The following SDK1 variants were observed in gnomAD, a reference collection of about 807,000 sequenced individuals.
The protein encoded by SDK1 is sidekick cell adhesion molecule 1, also known as protein sidekick-1.
Under a neutral mutation model 245.5 loss-of-function variants are expected in SDK1, and 157 were observed. That is an observed-to-expected ratio of 0.64 (90% confidence interval 0.56 to 0.73). The LOEUF is 0.73. Among genes scored for constraint, SDK1 ranks in the 30% least tolerant of loss-of-function variants. The pLI is 0.00. For synonymous variants in SDK1, 1,647 were observed against 1,278.5 expected (o/e 1.29, Z -6.15); for missense variants, 3,583 against 3,002.3 (o/e 1.19, Z -4.52).
chr7:3,399,721 C>G (rs952468412), intron 1 of SDK1, among the ~76,000 whole-genome samples: 3 of 152,006 alleles, frequency 2.0e-5, no homozygotes, highest in African/African-American at 4.8e-5. Flanking sequence ...ACACAAATCC[C>G]TTTTACTAAG....
At chr7:3,919,729 A>G (rs1779522562) in intron 5 of SDK1, among the ~76,000 whole-genome samples, 1 of 152,160 alleles carries the variant, frequency 6.6e-6, no homozygotes, top group South Asian at 2.1e-4. Flanking sequence ...GTTAGCTTGA[A>G]AGAACGTATG....
intron 1 of SDK1, among the ~76,000 whole-genome samples, chr7:3,521,418 C>T (rs1426652598): frequency 7.4e-6 from 1 of 135,624 alleles, no homozygotes; most frequent in Non-Finnish European, 1.6e-5. Context: ...CCACAGTGAG[C>T]CTGTTCTCAT....
At chr7:3,968,399 C>G (rs1233729807) in intron 10 of SDK1, among the ~76,000 whole-genome samples, 1 of 152,180 alleles carries the variant, frequency 6.6e-6, no homozygotes, top group Non-Finnish European at 1.5e-5. Context: ...CTGTATCGGG[C>G]TGACATGCCA....
chr7:3,311,788 T>G (rs1326356236), intron 1 of SDK1, among the ~76,000 whole-genome samples: 1 of 152,132 alleles, frequency 6.6e-6, no homozygotes, highest in East Asian at 1.9e-4. Context: ...CAAGCGTTTC[T>G]GAAGTTTAAA....
intron 25 of SDK1, among the ~76,000 whole-genome samples, chr7:4,115,958 C>G (rs1222079122): frequency 6.6e-6 from 1 of 152,128 alleles, no homozygotes; most frequent in African/African-American, 2.4e-5. Context: ...GCACAGTCAG[C>G]AGGAGGAGGC....
intron 5 of SDK1, among the ~76,000 whole-genome samples, chr7:3,918,753 C>T (rs975778598): frequency 6.6e-6 from 1 of 152,162 alleles, no homozygotes; most frequent in Non-Finnish European, 1.5e-5. Context: ...CACCTGCATG[C>T]CACTCAGGTC....
At chr7:4,139,721 ATG>A (rs1330952824) in intron 28 of SDK1, among the ~76,000 whole-genome samples, 3,399 of 110,696 alleles carry the variant, frequency 0.031, 411 homozygotes, top group African/African-American at 0.12. Flanking sequence ...GTGTGTGTGT[ATG>A]TGTGTGTGTG....
intron 5 of SDK1, among the ~76,000 whole-genome samples, chr7:3,904,643 A>G (rs1253540002): frequency 1.3e-5 from 2 of 152,314 alleles, no homozygotes; most frequent in East Asian, 1.9e-4. Flanking sequence ...GCAGTGGGCT[A>G]CGATAACACC....
chr7:3,440,815 A>G (rs1236728946), intron 1 of SDK1, among the ~76,000 whole-genome samples: 1 of 152,312 alleles, frequency 6.6e-6, no homozygotes, highest in African/African-American at 2.4e-5. Flanking sequence ...TATGGCCACA[A>G]TGTGTATTAA....
chr7:3,591,333 C>T (rs1780868650), intron 1 of SDK1, among the ~76,000 whole-genome samples: 1 of 152,190 alleles, frequency 6.6e-6, no homozygotes, highest in African/African-American at 2.4e-5. Context: ...TCTGAGCCTG[C>T]AGGGCACAGC....
intron 4 of SDK1, among the ~76,000 whole-genome samples, chr7:3,740,379 G>T (rs911412304): frequency 1.3e-5 from 2 of 152,098 alleles, no homozygotes; most frequent in Non-Finnish European, 2.9e-5. Context: ...TCCATTTAAG[G>T]TTTTTGGTCT....
At chr7:3,975,856 C>CCGG (rs1363815884) in intron 13 of SDK1, among the ~76,000 whole-genome samples, 1 of 152,234 alleles carries the variant, frequency 6.6e-6, no homozygotes, top group African/African-American at 2.4e-5. Flanking sequence ...ACAGAATCAG[C>CCGG]CGGCGGCAGT....
chr7:3,766,817 T>G (rs747283504), intron 4 of SDK1, among the ~76,000 whole-genome samples: 23 of 152,196 alleles, frequency 1.5e-4, no homozygotes, highest in Non-Finnish European at 2.5e-4. Context: ...ATATGGACTA[T>G]TAGATGTGGA....
chr7:3,527,631 G>C (rs1783188229), intron 1 of SDK1, among the ~76,000 whole-genome samples: 1 of 152,056 alleles, frequency 6.6e-6, no homozygotes, highest in African/African-American at 2.4e-5. Flanking sequence ...TAGTCAGCTA[G>C]GGGGTGAGTG....
chr7:3,632,418 G>A (rs1344215222), intron 2 of SDK1, among the ~76,000 whole-genome samples: 2 of 152,128 alleles, frequency 1.3e-5, no homozygotes, highest in Admixed American at 1.3e-4. Flanking sequence ...TATTAATGAA[G>A]ATAAAGTTTA....
chr7:3,315,639 A>C (rs1043960646), intron 1 of SDK1, among the ~76,000 whole-genome samples: 2 of 152,230 alleles, frequency 1.3e-5, no homozygotes, highest in African/African-American at 4.8e-5. Context: ...TATCTCTGTT[A>C]TAGGGATTTC....
chr7:4,076,858 AGCACAGTG>A (rs1780714904), intron 20 of SDK1, 132 bp from the exon 21 acceptor site: 6 of 670,714 alleles, frequency 8.9e-6, no homozygotes. Context: ...TCATGTCAGT[AGCACAGTG>A]GCTCTAAGCT....
At position 4,042,023 on chromosome 7, in the gene SDK1, C is replaced by T. The variant is rs563786735; in HGVS notation, c.2603-7325C>T. 8.9e-5 allele frequency among the ~76,000 whole-genome samples: 12 copies of T among 135,574 alleles called. No individual in the cohort carries two copies. In the South Asian group the frequency reaches 1.4e-3, roughly 15 times the overall value. 88.9% of individuals were successfully genotyped at this position (135,574 alleles called of 152,430 possible). A position where few individuals can be genotyped will look rare whatever the true frequency, so the allele number is the denominator to read the frequency against. On this transcript the variant is annotated intron_variant, in intron 17 of 44. Coordinates refer to ENST00000404826, the MANE Select transcript of SDK1 (RefSeq NM_152744.4). ...GAGGTGGGGTTTCATCATGTTGGCC[C>T]GGATGGTCTCTATCTCTTGACCTCG...
chr7:3,723,393 T>C (rs1778879078), intron 4 of SDK1, among the ~76,000 whole-genome samples: 1 of 152,206 alleles, frequency 6.6e-6, no homozygotes, highest in Admixed American at 6.5e-5. Flanking sequence ...AAAGGAAACT[T>C]CTAAGGGCTG....
Sources: gnomAD v4.1 joint callset for allele counts (sites outside exome capture counted in the v4.1 genomes callset) on GRCh38, gnomAD v4.1.1 for gene constraint, MANE v1.5 for transcripts, NCBI Gene and HGNC (gene_info 2026-07-23, HGNC 2026-07-21) for gene names.